Variants in TNIP3 observed in about 807,000 individuals in gnomAD.
TNIP3 encodes the protein TNFAIP3-interacting protein 3.
Under a neutral mutation model 54.1 loss-of-function variants are expected in TNIP3, and 34 were observed. The observed-to-expected ratio is 0.63, with a 90% CI of 0.48 to 0.84. The LOEUF (loss-of-function observed/expected upper bound fraction) is 0.84. TNIP3 is among the 40% of genes least tolerant of loss of function. The probability of loss-of-function intolerance (pLI) is 0.00; values close to 1 mark genes in which losing one functional copy is unlikely to be tolerated. For missense variants in TNIP3, 366 were observed against 387.6 expected (o/e 0.94, Z 0.47); for synonymous variants, 134 against 136.8 (o/e 0.98, Z 0.14).
chr4:121,201,165 A>G (rs1371117245), intron 2 of TNIP3, among the ~76,000 whole-genome samples: 1 of 152,162 alleles, frequency 6.6e-6, no homozygotes, highest in East Asian at 1.9e-4. Context: ...GTTTTGAGGT[A>G]TGAGGAAAGT....
chr4:121,200,250 A>T (rs575187312), intron 2 of TNIP3, among the ~76,000 whole-genome samples: 2 of 152,238 alleles, frequency 1.3e-5, no homozygotes, highest in East Asian at 3.9e-4. Context: ...TCACCGAGAC[A>T]ACTGCAGAAG....
upstream of TNIP3, among the ~76,000 whole-genome samples, chr4:121,165,154 C>T (rs187279204): frequency 2.2e-4 from 34 of 151,632 alleles, no homozygotes; most frequent in East Asian, 5.6e-3. Flanking sequence ...AACCTGCCTA[C>T]GAGATATTCA....
chr4:121,177,706 C>T (rs956784892), intron 3 of TNIP3, among the ~76,000 whole-genome samples: 3 of 152,284 alleles, frequency 2.0e-5, no homozygotes, highest in Admixed American at 6.5e-5. Context: ...CTTGTGTTAA[C>T]CAAATAGAAA....
intron 2 of TNIP3, among the ~76,000 whole-genome samples, chr4:121,205,789 A>G (rs772943376): frequency 3.9e-5 from 6 of 152,172 alleles, no homozygotes; most frequent in Non-Finnish European, 7.4e-5. Context: ...CCCTTTATTG[A>G]GACAGTGTAT....
chr4:121,201,140 G>C (rs1260275608), intron 2 of TNIP3, among the ~76,000 whole-genome samples: 1 of 152,112 alleles, frequency 6.6e-6, no homozygotes, highest in Admixed American at 6.5e-5. Flanking sequence ...GGATGAGTAG[G>C]GGGCAGGAAA....
upstream of TNIP3, among the ~76,000 whole-genome samples, chr4:121,217,441 T>TAG (rs1212561912): frequency 6.6e-6 from 1 of 152,186 alleles, no homozygotes; most frequent in African/African-American, 2.4e-5. Context: ...TACATAGTGT[T>TAG]GGAGGGTGGC....
At chr4:121,143,274 C>T (rs906358974) in intron 7 of TNIP3, among the ~76,000 whole-genome samples, 9 of 152,186 alleles carry the variant, frequency 5.9e-5, no homozygotes, top group African/African-American at 2.2e-4. Flanking sequence ...TGTTCAAAGT[C>T]ACACTGCTAT....
chr4:121,197,532 A>G (rs1323331499), intron 2 of TNIP3, among the ~76,000 whole-genome samples: 2 of 123,038 alleles, frequency 1.6e-5, no homozygotes, highest in Admixed American at 1.6e-4. Flanking sequence ...ACTCTGTCTC[A>G]AAAAAAAAAA....
intron 2 of TNIP3, among the ~76,000 whole-genome samples, chr4:121,205,532 G>T (rs1238580222): frequency 6.6e-6 from 1 of 152,156 alleles, no homozygotes; most frequent in South Asian, 2.1e-4. Context: ...ACTCTCGTTG[G>T]TGGGTTTAGA....
At chr4:121,148,340 G>A (rs776383356) in intron 6 of TNIP3, among the ~76,000 whole-genome samples, 14 of 152,176 alleles carry the variant, frequency 9.2e-5, no homozygotes, top group African/African-American at 7.2e-5. Flanking sequence ...GCAAAACTAC[G>A]GAGATGGATT....
At chr4:121,148,357 T>C (rs1321611656) in intron 6 of TNIP3, among the ~76,000 whole-genome samples, 2 of 152,226 alleles carry the variant, frequency 1.3e-5, no homozygotes, top group Non-Finnish European at 2.9e-5. Flanking sequence ...GATTTTGGTC[T>C]TCCCACAGGG....
chr4:121,218,653 T>A (rs1426220216), upstream of TNIP3, among the ~76,000 whole-genome samples: 1 of 151,770 alleles, frequency 6.6e-6, no homozygotes, highest in Admixed American at 6.6e-5. Flanking sequence ...TCTCTTTCTT[T>A]TGAGACGATG....
At chr4:121,191,727 A>C (rs1461069114) in intron 2 of TNIP3, among the ~76,000 whole-genome samples, 15 of 152,340 alleles carry the variant, frequency 9.8e-5, no homozygotes. Flanking sequence ...ATTGTTATTT[A>C]TTAACTATGT....
chr4:121,137,126 T>G (rs1273783770), intron 10 of TNIP3, among the ~76,000 whole-genome samples: 1 of 152,212 alleles, frequency 6.6e-6, no homozygotes, highest in Non-Finnish European at 1.5e-5. Flanking sequence ...AAGAATCTAA[T>G]AATGATATAT....
intron 9 of TNIP3, among the ~76,000 whole-genome samples, chr4:121,140,320 C>G (rs551875007): frequency 2.6e-5 from 4 of 151,462 alleles, no homozygotes; most frequent in Non-Finnish European, 5.9e-5. Flanking sequence ...GATGACAGAG[C>G]GAGATGCCTT....
At chr4:121,158,781 C>G in intron 2 of TNIP3, 29 bp from the exon 3 acceptor site, 1 of 1,575,892 alleles carries the variant, frequency 6.3e-7, no homozygotes, top group Non-Finnish European at 8.7e-7. Context: ...GGTGAATCAA[C>G]AAAGAATTTC....
chr4:121,139,002 C>G (rs1024117351), intron 9 of TNIP3, among the ~76,000 whole-genome samples: 16 of 152,076 alleles, frequency 1.1e-4, no homozygotes, highest in African/African-American at 3.6e-4. Flanking sequence ...TTACTACAGC[C>G]CATCAATAAA....
At chr4:121,154,735 T>C (rs550900448) in intron 4 of TNIP3, 56 bp from the exon 5 acceptor site, 47 of 1,499,704 alleles carry the variant, frequency 3.1e-5, no homozygotes. Flanking sequence ...AATGAGATGA[T>C]ATTGTAGGAA....
chr4:121,138,763 G>T (rs1187270718), intron 9 of TNIP3, 79 bp from the exon 10 acceptor site: 2 of 1,338,066 alleles, frequency 1.5e-6, no homozygotes, highest in Non-Finnish European at 2.1e-6. Flanking sequence ...ATTAGGCTAT[G>T]TGGCTTTTAT....
Sources: allele counts gnomAD v4.1 joint callset (sites outside exome capture counted in the v4.1 genomes callset), GRCh38; gene constraint gnomAD v4.1.1; transcripts MANE v1.5; gene names NCBI Gene and HGNC (gene_info 2026-07-23, HGNC 2026-07-21).